The following CFAP52 variants were observed in gnomAD, a reference collection of about 807,000 sequenced individuals.
CFAP52 encodes cilia and flagella associated protein 52.
Under a neutral mutation model 70.5 loss-of-function variants are expected in CFAP52, and 57 were observed. The ratio of observed to expected loss-of-function variants is 0.81; its 90% CI spans 0.65 to 1.01. The LOEUF is 1.01. Among genes scored for constraint, CFAP52 ranks in the 50% least tolerant of loss-of-function variants. The probability of loss-of-function intolerance (pLI) is 0.00; values close to 1 mark genes in which losing one functional copy is unlikely to be tolerated. For missense variants in CFAP52, 785 were observed against 788.5 expected (o/e 1.00, Z 0.05); for synonymous variants, 267 against 292.5 (o/e 0.91, Z 0.89).
chr17:9,590,613 C>T (rs913748192), intron 3 of CFAP52: 3 of 152,212 alleles, frequency 2.0e-5, no homozygotes, highest in African/African-American at 4.8e-5. Flanking sequence ...CTGGGTCCCA[C>T]CCCCGGAGAT....
chr17:9,636,090 C>G (rs1405172343), intron 11 of CFAP52, among the ~76,000 whole-genome samples: 4 of 151,868 alleles, frequency 2.6e-5, no homozygotes, highest in Non-Finnish European at 4.4e-5. Flanking sequence ...AGGAGAGTCG[C>G]TTGAACCCAG....
chr17:9,593,447 G>A (rs1567622952), intron 3 of CFAP52, among the ~76,000 whole-genome samples: 1 of 152,094 alleles, frequency 6.6e-6, no homozygotes, highest in African/African-American at 2.4e-5. Context: ...TCTTTTGTTT[G>A]TGTTTTTGTT....
chr17:9,636,235 GAAAGAAAGAAAGAAAGAGAA>G (rs1268136468), intron 11 of CFAP52, among the ~76,000 whole-genome samples: 16 of 144,406 alleles, frequency 1.1e-4, no homozygotes, highest in African/African-American at 4.3e-4. Context: ...AAGAAAGAAA[GAAAGAAAGAAAGAAAGAGAA>G]AGAAAAATAA....
rs56818169 is a variant in CFAP52, at chr17:9,631,082, G to GAAAGAAAGAAAGAAAGAGAA, written c.1175-1805_1175-1804insAAGAAAGAAAGAAAGAGAAA. On this transcript the variant is annotated intron_variant, in intron 9 of 13. Coordinates refer to ENST00000352665, the MANE Select transcript of CFAP52 (RefSeq NM_145054.5). ...AGAAAGAAAGAAAGAAAGAAAGAAA[G>GAAAGAAAGAAAGAAAGAGAA]AGAAAGAAAGAAAGAGAAAGAAAGA... 8.2e-5 allele frequency among the ~76,000 whole-genome samples: 4 copies of GAAAGAAAGAAAGAAAGAGAA among 49,024 alleles called. 1 individual carries two copies. The highest frequency in any genetic ancestry group is 2.0e-4 in the African/African-American group (3 of 14,914). 32.2% of individuals were successfully genotyped at this position (49,024 alleles called of 152,430 possible).
At chr17:9,592,641 CT>C (rs1908816101) in intron 3 of CFAP52, among the ~76,000 whole-genome samples, 1 of 152,186 alleles carries the variant, frequency 6.6e-6, no homozygotes. Context: ...TGACTGGCTT[CT>C]TTCACTTAGC....
intron 7 of CFAP52, among the ~76,000 whole-genome samples, chr17:9,611,293 C>T (rs1362050333): frequency 6.6e-6 from 1 of 151,746 alleles, no homozygotes. Context: ...AGGGAGAAAT[C>T]TGAAATGTAG....
chr17:9,619,804 C>CT (rs1480186488), intron 8 of CFAP52, among the ~76,000 whole-genome samples: 12 of 9,182 alleles, frequency 1.3e-3, no homozygotes, highest in Non-Finnish European at 1.7e-3. Context: ...TTCAACAACC[C>CT]TTCATGCTAA....
At chr17:9,637,614 T>C (rs1597797606) in intron 11 of CFAP52, among the ~76,000 whole-genome samples, 1 of 152,224 alleles carries the variant, frequency 6.6e-6, no homozygotes, top group Admixed American at 6.5e-5. Context: ...ATGCAGATCC[T>C]GGCCAGGCGT....
intron 1 of CFAP52, among the ~76,000 whole-genome samples, chr17:9,578,429 C>T (rs1197636008): frequency 6.6e-6 from 1 of 152,030 alleles, no homozygotes; most frequent in Non-Finnish European, 1.5e-5. Context: ...GCGGGTTGAA[C>T]AGGGCTTCAG....
At chr17:9,623,170 AT>A (rs1306706636) in intron 8 of CFAP52, among the ~76,000 whole-genome samples, 3 of 152,074 alleles carry the variant, frequency 2.0e-5, no homozygotes, top group African/African-American at 7.2e-5. Flanking sequence ...CTGTATTGAC[AT>A]TTTTATTAAA....
In CFAP52 at chr17:9,600,207, C is replaced by A. The variant is rs367875400; in HGVS notation, c.753+24C>A. On this transcript the variant is annotated intron_variant, in intron 6 of 13. Transcript: ENST00000352665. ...TGGTGAGTAGAGACCATCGCCACTG[C>A]CCTGCCATTTTTCTCCCTTCACTGG... 96 of 1,588,936 alleles carry A rather than the reference C, an allele frequency of 6.0e-5. 1 individual carries two copies. The African/African-American group carries it at 1.2e-3, about 19-fold the overall frequency.
chr17:9,623,759 T>A (rs1371075489), intron 8 of CFAP52, among the ~76,000 whole-genome samples: 1 of 152,138 alleles, frequency 6.6e-6, no homozygotes, highest in African/African-American at 2.4e-5. Context: ...TTCACCCGCA[T>A]GATCATAGCA....
downstream of CFAP52, chr17:9,643,520 A>T (rs953723984): frequency 1.6e-5 from 3 of 187,852 alleles, no homozygotes; most frequent in Non-Finnish European, 2.2e-5. Flanking sequence ...CACAGACAGC[A>T]TTGCTATTAT....
chr17:9,595,003 G>A (rs756817615), intron 4 of CFAP52, among the ~76,000 whole-genome samples: 28 of 148,266 alleles, frequency 1.9e-4, no homozygotes, highest in Non-Finnish European at 3.7e-4. Flanking sequence ...CAATTCTCCT[G>A]CCTCAGCCTC....
chr17:9,637,928 G>C (rs984027582), intron 11 of CFAP52, among the ~76,000 whole-genome samples: 1 of 152,190 alleles, frequency 6.6e-6, no homozygotes, highest in East Asian at 1.9e-4. Flanking sequence ...CTTCAGTTGC[G>C]GGAGGCCAGC....
At chr17:9,632,680 T>C (rs926907706) in intron 9 of CFAP52, among the ~76,000 whole-genome samples, 1 of 152,174 alleles carries the variant, frequency 6.6e-6, no homozygotes. Context: ...CAAGGAAGAC[T>C]CAGGCTGTTG....
intron 11 of CFAP52, among the ~76,000 whole-genome samples, chr17:9,637,292 G>A (rs1910850711): frequency 6.6e-6 from 1 of 152,180 alleles, no homozygotes; most frequent in South Asian, 2.1e-4. Flanking sequence ...GAACTAGAAG[G>A]ACATGTCTGA....
At chr17:9,584,937 A>G (rs1224492366) in intron 1 of CFAP52, among the ~76,000 whole-genome samples, 2 of 152,184 alleles carry the variant, frequency 1.3e-5, no homozygotes, top group African/African-American at 2.4e-5. Context: ...ATGTAATATT[A>G]CTTAGCCTTT....
intron 9 of CFAP52, among the ~76,000 whole-genome samples, chr17:9,631,259 C>A (rs952550713): frequency 3.3e-5 from 5 of 151,894 alleles, no homozygotes; most frequent in African/African-American, 9.7e-5. Context: ...ACTACTCACC[C>A]CTTCTAGCCA....
Sources: allele counts gnomAD v4.1 joint callset (sites outside exome capture counted in the v4.1 genomes callset), GRCh38; gene constraint gnomAD v4.1.1; transcripts MANE v1.5; gene names NCBI Gene and HGNC (gene_info 2026-07-23, HGNC 2026-07-21).